The following KCTD16 variants were observed in gnomAD, a reference collection of about 807,000 sequenced individuals.
The protein encoded by KCTD16 is potassium channel tetramerization domain containing 16.
KCTD16 carries 13 observed loss-of-function variants against 33.2 expected under a neutral mutation model. That is an observed-to-expected ratio of 0.39 (90% CI 0.25 to 0.62). The LOEUF (loss-of-function observed/expected upper bound fraction) is 0.62, where lower values mean the gene tolerates loss of function less well. Ranked by LOEUF, KCTD16 falls within the 20% of genes least tolerant of loss-of-function variation. The probability of loss-of-function intolerance (pLI) is 0.50; values close to 1 mark genes in which losing one functional copy is unlikely to be tolerated. For synonymous variants in KCTD16, 197 were observed against 195.3 expected, an observed-to-expected ratio of 1.01 and a Z score of -0.07; for missense variants, 441 against 525.1, an observed-to-expected ratio of 0.84 and a Z score of 1.57.
chr5:144,205,251 C>G, intron 2 of KCTD16: 1 of 305,714 alleles, frequency 3.3e-6, no homozygotes, highest in African/African-American at 2.1e-5. Context: ...AGCGCGGCGT[C>G]CCCGTGCAGT....
chr5:144,186,688 A>G (rs1752733890), intron 2 of KCTD16, among the ~76,000 whole-genome samples: 1 of 152,218 alleles, frequency 6.6e-6, no homozygotes. Flanking sequence ...CAGAGCATCA[A>G]GGGCAATATA....
At chr5:144,468,256 G>A (rs1561619452) in intron 3 of KCTD16, among the ~76,000 whole-genome samples, 1 of 152,142 alleles carries the variant, frequency 6.6e-6, no homozygotes, top group African/African-American at 2.4e-5. Flanking sequence ...ACCTCCTGCA[G>A]CCACTATCTT....
chr5:144,289,393 A>G (rs1036451361), intron 3 of KCTD16, among the ~76,000 whole-genome samples: 2 of 152,170 alleles, frequency 1.3e-5, no homozygotes, highest in South Asian at 2.1e-4. Flanking sequence ...TGTGTCTGTC[A>G]TTAATAAGTT....
At chr5:144,448,592 C>G (rs115622895) in intron 3 of KCTD16, among the ~76,000 whole-genome samples, 1 of 151,910 alleles carries the variant, frequency 6.6e-6, no homozygotes, top group Non-Finnish European at 1.5e-5. Flanking sequence ...TCTGGTATTG[C>G]GAGGAGTGGA....
intron 3 of KCTD16, among the ~76,000 whole-genome samples, chr5:144,242,094 A>T (rs1554082536): frequency 6.6e-6 from 1 of 151,780 alleles, no homozygotes; most frequent in Non-Finnish European, 1.5e-5. Context: ...ATTTTATTTT[A>T]TTTTTTTTGA....
intron 3 of KCTD16, among the ~76,000 whole-genome samples, chr5:144,380,596 T>C (rs886168734): frequency 3.9e-5 from 6 of 152,072 alleles, no homozygotes; most frequent in African/African-American, 1.4e-4. Context: ...AACTACATTA[T>C]GAGGCTCCAG....
chr5:144,320,849 G>A (rs1020107464), intron 3 of KCTD16, among the ~76,000 whole-genome samples: 2 of 151,444 alleles, frequency 1.3e-5, no homozygotes, highest in Non-Finnish European at 2.9e-5. Context: ...CATTTCATAT[G>A]TAATGTAAAT....
chr5:144,323,744 C>T (rs953717907), intron 3 of KCTD16, among the ~76,000 whole-genome samples: 2 of 152,138 alleles, frequency 1.3e-5, no homozygotes, highest in African/African-American at 4.8e-5. Flanking sequence ...ACAGCCACCA[C>T]ATATAGAAAG....
chr5:144,433,840 C>T (rs1198481614), intron 3 of KCTD16, among the ~76,000 whole-genome samples: 2 of 152,144 alleles, frequency 1.3e-5, no homozygotes, highest in Non-Finnish European at 2.9e-5. Context: ...TTGTGAAAAA[C>T]AATGTGGTGG....
intron 3 of KCTD16, among the ~76,000 whole-genome samples, chr5:144,278,099 A>G (rs1017825650): frequency 6.6e-6 from 1 of 152,172 alleles, no homozygotes; most frequent in Non-Finnish European, 1.5e-5. Flanking sequence ...TCTTTGTCTA[A>G]CACAAGGTCT....
intron 2 of KCTD16, among the ~76,000 whole-genome samples, chr5:144,182,182 G>A (rs1752639948): frequency 6.6e-6 from 1 of 152,012 alleles, no homozygotes; most frequent in Non-Finnish European, 1.5e-5. Flanking sequence ...GGCAGGAGTG[G>A]GCTCCTAATA....
At chr5:144,287,855 C>T (rs7378581) in intron 3 of KCTD16, among the ~76,000 whole-genome samples, 32,620 of 151,882 alleles carry the variant, frequency 0.21, 3,950 homozygotes, top group Non-Finnish European at 0.28. Context: ...AAGCTTGTCT[C>T]GAACTCCTGA....
At chr5:144,444,903 GTATA>G (rs1463206501) in intron 3 of KCTD16, among the ~76,000 whole-genome samples, 1 of 148,756 alleles carries the variant, frequency 6.7e-6, no homozygotes, top group Non-Finnish European at 1.5e-5. Flanking sequence ...GTGTAATATA[GTATA>G]TATAATATAC....
chr5:144,467,819 T>C (rs1241215514), intron 3 of KCTD16, among the ~76,000 whole-genome samples: 2 of 152,168 alleles, frequency 1.3e-5, no homozygotes, highest in African/African-American at 4.8e-5. Context: ...GTCCTGGTTA[T>C]TAAGGTGTTG....
At chr5:144,205,925 G>A (rs1753156817) in intron 2 of KCTD16, 1 of 182,186 alleles carries the variant, frequency 5.5e-6, no homozygotes, top group African/African-American at 2.3e-5. Context: ...TACCTCGGTC[G>A]TTTACCTGTT....
At chr5:144,305,879 A>ACCACCTAT (rs1465911244) in intron 3 of KCTD16, among the ~76,000 whole-genome samples, 8 of 152,334 alleles carry the variant, frequency 5.3e-5, no homozygotes, top group African/African-American at 1.9e-4. Flanking sequence ...AGCCAAGGAG[A>ACCACCTAT]GAGCCCTCAG....
At chr5:144,341,257 G>T (rs1352523377) in intron 3 of KCTD16, among the ~76,000 whole-genome samples, 1 of 152,138 alleles carries the variant, frequency 6.6e-6, no homozygotes, top group East Asian at 1.9e-4. Context: ...ATGACTGACA[G>T]GAGCAGGCAG....
chr5:144,459,500 C>T (rs1754144976), intron 3 of KCTD16, among the ~76,000 whole-genome samples: 1 of 151,552 alleles, frequency 6.6e-6, no homozygotes, highest in Non-Finnish European at 1.5e-5. Flanking sequence ...TACAGGTGTA[C>T]CAACACGTCT....
intron 3 of KCTD16, among the ~76,000 whole-genome samples, chr5:144,364,973 G>A (rs1751799457): frequency 6.6e-6 from 1 of 151,580 alleles, no homozygotes; most frequent in Non-Finnish European, 1.5e-5. Context: ...TATCATTAGA[G>A]ATTGCTTTCA....
Sources: gnomAD v4.1 joint callset for allele counts (sites outside exome capture counted in the v4.1 genomes callset) on GRCh38, gnomAD v4.1.1 for gene constraint, MANE v1.5 for transcripts, NCBI Gene and HGNC (gene_info 2026-07-23, HGNC 2026-07-21) for gene names.